The following COL26A1 variants were observed in gnomAD, a reference collection of about 807,000 sequenced individuals.
The protein encoded by COL26A1 is collagen alpha-1(XXVI) chain.
In COL26A1, 41 loss-of-function variants were observed where a neutral mutation model predicts 59.3. The observed-to-expected ratio is 0.69, with a 90% confidence interval of 0.54 to 0.90. COL26A1 has a LOEUF of 0.90. COL26A1 is among the 40% of genes least tolerant of loss of function. The pLI is 0.00. For missense variants in COL26A1, 612 were observed against 602.3 expected (o/e 1.02, Z -0.17); for synonymous variants, 266 against 256.0 (o/e 1.04, Z -0.37).
At chr7:101,394,490 T>G (rs1791805532) in intron 1 of COL26A1, among the ~76,000 whole-genome samples, 1 of 152,088 alleles carries the variant, frequency 6.6e-6, no homozygotes, top group Non-Finnish European at 1.5e-5. Flanking sequence ...CACTGCAGCC[T>G]CGAATTCTTG....
chr7:101,505,322 T>C (rs1231971316), intron 3 of COL26A1, among the ~76,000 whole-genome samples: 1 of 152,022 alleles, frequency 6.6e-6, no homozygotes, highest in Non-Finnish European at 1.5e-5. Context: ...GATGGGTGTG[T>C]GGGCACTCTG....
intron 3 of COL26A1, among the ~76,000 whole-genome samples, chr7:101,477,490 T>A (rs772684710): frequency 1.4e-4 from 21 of 152,196 alleles, no homozygotes; most frequent in Non-Finnish European, 2.6e-4. Flanking sequence ...TACTCTTGTA[T>A]CTGGAGGGTG....
intron 1 of COL26A1, among the ~76,000 whole-genome samples, chr7:101,389,787 A>G (rs1354165987): frequency 6.6e-6 from 1 of 152,096 alleles, no homozygotes; most frequent in Non-Finnish European, 1.5e-5. Flanking sequence ...TCCCAACCTC[A>G]GGTGATCCGC....
intron 1 of COL26A1, among the ~76,000 whole-genome samples, chr7:101,392,342 T>G (rs906623893): frequency 1.3e-5 from 2 of 151,840 alleles, no homozygotes; most frequent in Admixed American, 1.3e-4. Context: ...TTCCATCTGT[T>G]GTTATGAGCA....
At chr7:101,494,246 C>G (rs1794533082) in intron 3 of COL26A1, among the ~76,000 whole-genome samples, 1 of 151,708 alleles carries the variant, frequency 6.6e-6, no homozygotes, top group Non-Finnish European at 1.5e-5. Context: ...CCTTCCTCAG[C>G]CTCCCGAGTA....
chr7:101,378,285 G>A (rs1279310838), intron 1 of COL26A1, among the ~76,000 whole-genome samples: 1 of 152,102 alleles, frequency 6.6e-6, no homozygotes, highest in East Asian at 1.9e-4. Context: ...TATTGGCTCT[G>A]TTTCTCCATA....
Position 101,555,835 on chromosome 7 carries a change from C to A in COL26A1, c.1129C>A (p.Arg377=). ...AGAGGCCCTGAAGATCCTGGCAGAG[C>A]GAGTCCTCATCCTGGAGCACATGAT... ...LREALKILAE[R]VLILEHMIGI... The change falls in exon 12 of 13, where the codon CGA becomes AGA. Residue 377 remains arginine, a synonymous_variant. Transcript: ENST00000313669. 1 of 1,611,816 alleles carries A rather than the reference C, an allele frequency of 6.2e-7. No homozygotes were observed. Among genetic ancestry groups the A allele is most frequent in the Non-Finnish European group, 8.5e-7 (1 of 1,179,268 alleles).
chr7:101,553,402 C>G, intron 11 of COL26A1, 26 bp downstream of exon 11: 1 of 1,609,910 alleles, frequency 6.2e-7, no homozygotes. Context: ...CTTCACGTTC[C>G]CTCCCGCCTC....
chr7:101,386,302 G>A (rs1437201571), intron 1 of COL26A1, among the ~76,000 whole-genome samples: 1 of 139,780 alleles, frequency 7.2e-6, no homozygotes, highest in Admixed American at 6.9e-5. Context: ...ACAGGGTCTG[G>A]CTCTGTTGCC....
chr7:101,426,276 C>T (rs1481983105), intron 2 of COL26A1, among the ~76,000 whole-genome samples: 1 of 152,160 alleles, frequency 6.6e-6, no homozygotes, highest in Non-Finnish European at 1.5e-5. Context: ...GTCTTCTGCA[C>T]TGGTTTCCCC....
chr7:101,426,857 G>T lies in COL26A1; in HGVS notation c.281+6758G>T, dbSNP rs892272758. Among the ~76,000 whole-genome samples the T allele has an allele frequency of 6.6e-5, 10 of 152,286 alleles. No individual in the cohort carries two copies. In the East Asian group the frequency reaches 1.7e-3, roughly 26 times the overall value. ...AGGCAGCTCCCAGCGGGCAGTTCTGGCCTAGGCATGCCTTGATCTTGCATT... is the reference window on the plus strand; with the variant it reads ...AGGCAGCTCCCAGCGGGCAGTTCTGTCCTAGGCATGCCTTGATCTTGCATT... On this transcript the variant is annotated intron_variant, in intron 2 of 12. Transcript: ENST00000313669.
At chr7:101,508,517 C>CAAAAAAAAAA (rs58872805) in intron 3 of COL26A1, among the ~76,000 whole-genome samples, 1 of 127,630 alleles carries the variant, frequency 7.8e-6, no homozygotes, top group African/African-American at 3.2e-5. Context: ...AAAACCCTGT[C>CAAAAAAAAAA]AAAAAAAAAA....
At chr7:101,497,238 CAAAA>C (rs1794609130) in intron 3 of COL26A1, among the ~76,000 whole-genome samples, 2 of 152,098 alleles carry the variant, frequency 1.3e-5, no homozygotes, top group Non-Finnish European at 2.9e-5. Flanking sequence ...AACTCCATCT[CAAAA>C]AACACAAACA....
chr7:101,434,967 T>C (rs1335704605), intron 2 of COL26A1, among the ~76,000 whole-genome samples: 1 of 152,066 alleles, frequency 6.6e-6, no homozygotes, highest in African/African-American at 2.4e-5. Flanking sequence ...GGGAGTGACA[T>C]TTAGCAGAGA....
intron 8 of COL26A1, among the ~76,000 whole-genome samples, chr7:101,548,822 C>T (rs1021346091): frequency 3.9e-5 from 6 of 151,950 alleles, no homozygotes; most frequent in African/African-American, 9.7e-5. Flanking sequence ...TCCCAGGTCC[C>T]GAGGCGGGAA....
At chr7:101,539,788 A>G in intron 4 of COL26A1, 105 bp from the exon 5 acceptor site, 1 of 1,177,246 alleles carries the variant, frequency 8.5e-7, no homozygotes, top group South Asian at 1.6e-5. Flanking sequence ...CACAGCGTGG[A>G]CAGCTGCAGG....
At chr7:101,370,958 CTCACT>C (rs1791177441) in intron 1 of COL26A1, among the ~76,000 whole-genome samples, 1 of 96,396 alleles carries the variant, frequency 1.0e-5, no homozygotes. Flanking sequence ...GGTTCTAGAA[CTCACT>C]TCCCCAGTTT....
At chr7:101,500,269 G>A (rs192058566) in intron 3 of COL26A1, among the ~76,000 whole-genome samples, 85 of 152,328 alleles carry the variant, frequency 5.6e-4, no homozygotes, top group African/African-American at 1.7e-3. Flanking sequence ...CAGGACATCT[G>A]TACTTGCTGT....
intron 5 of COL26A1, among the ~76,000 whole-genome samples, chr7:101,541,051 C>T (rs1157381336): frequency 6.6e-6 from 1 of 152,214 alleles, no homozygotes; most frequent in Admixed American, 6.5e-5. Flanking sequence ...CAACCAGCTA[C>T]TGGGTTGCCA....
Sources: gnomAD v4.1 joint callset for allele counts (sites outside exome capture counted in the v4.1 genomes callset) on GRCh38, gnomAD v4.1.1 for gene constraint, MANE v1.5 for transcripts, NCBI Gene and HGNC (gene_info 2026-07-23, HGNC 2026-07-21) for gene names.